Variants in ROBO1 observed in about 807,000 individuals in gnomAD.
The protein encoded by ROBO1 is roundabout guidance receptor 1.
In ROBO1, 149 loss-of-function variants were observed where a neutral mutation model predicts 195.9. The ratio of observed to expected loss-of-function variants is 0.76; its 90% CI spans 0.67 to 0.87. The LOEUF is 0.87. ROBO1 is among the 40% of genes least tolerant of loss of function. ROBO1 has a pLI of 0.00. For synonymous variants in ROBO1, 816 were observed against 733.2 expected, an observed-to-expected ratio of 1.11 and a Z score of -1.82; for missense variants, 1,933 against 2,068.3, an observed-to-expected ratio of 0.93 and a Z score of 1.27.
chr3:78,901,390 G>A (rs1443943161), intron 4 of ROBO1, among the ~76,000 whole-genome samples: 1 of 152,018 alleles, frequency 6.6e-6, no homozygotes, highest in Non-Finnish European at 1.5e-5. Flanking sequence ...TCTTAAACAT[G>A]TACAAAGAAA....
At chr3:78,939,429 A>ACTTCAGTGTAGCC in intron 3 of ROBO1, among the ~76,000 whole-genome samples, 2 of 150,946 alleles carry the variant, frequency 1.3e-5, no homozygotes, top group Admixed American at 6.6e-5. Context: ...CCTGGCTAAC[A>ACTTCAGTGTAGCC]AGGTGAAACC....
chr3:79,699,368 A>C (rs1947544925), intron 1 of ROBO1, among the ~76,000 whole-genome samples: 1 of 151,592 alleles, frequency 6.6e-6, no homozygotes, highest in Non-Finnish European at 1.5e-5. Flanking sequence ...TGCGCCTTCC[A>C]GGTTTGTCTG....
chr3:79,212,810 A>G (rs887982068), intron 2 of ROBO1, among the ~76,000 whole-genome samples: 3 of 151,582 alleles, frequency 2.0e-5, no homozygotes, highest in African/African-American at 7.3e-5. Flanking sequence ...TCAGAGTAAG[A>G]CTCTGTCTCA....
chr3:78,612,392 C>A (rs1011612692), intron 28 of ROBO1, among the ~76,000 whole-genome samples: 1 of 152,154 alleles, frequency 6.6e-6, no homozygotes, highest in African/African-American at 2.4e-5. Context: ...ATAAATTGTA[C>A]CAATTGTGTC....
chr3:79,589,559 T>C (rs905646009), intron 2 of ROBO1, among the ~76,000 whole-genome samples: 1 of 151,806 alleles, frequency 6.6e-6, no homozygotes, highest in African/African-American at 2.4e-5. Context: ...ACTTAGTTAA[T>C]ATAACACTCC....
At chr3:79,155,708 A>G (rs2080847281) in intron 2 of ROBO1, among the ~76,000 whole-genome samples, 1 of 151,768 alleles carries the variant, frequency 6.6e-6, no homozygotes, top group African/African-American at 2.4e-5. Context: ...TTTTGAGTGA[A>G]GAGACAAAGG....
At chr3:79,420,096 A>T (rs1281974314) in intron 2 of ROBO1, among the ~76,000 whole-genome samples, 1 of 152,114 alleles carries the variant, frequency 6.6e-6, no homozygotes, top group Non-Finnish European at 1.5e-5. Flanking sequence ...CTCACATATA[A>T]TTTTATTTAA....
intron 3 of ROBO1, among the ~76,000 whole-genome samples, chr3:79,079,462 G>C (rs1231579015): frequency 2.0e-5 from 3 of 151,756 alleles, no homozygotes; most frequent in Non-Finnish European, 4.4e-5. Flanking sequence ...ATTAAAAACA[G>C]TTACGAGTGA....
intron 4 of ROBO1, among the ~76,000 whole-genome samples, chr3:78,780,488 C>T (rs1463359565): frequency 2.0e-5 from 3 of 151,900 alleles, no homozygotes; most frequent in Non-Finnish European, 4.4e-5. Context: ...CATGCATGCC[C>T]TTATCTCTCC....
At position 79,016,338 on chromosome 3, in the gene ROBO1, T is replaced by A. The variant is rs141411964; in HGVS notation, c.173-77411A>T. On this transcript the variant is annotated intron_variant, in intron 3 of 30. Coordinates refer to ENST00000464233, the MANE Select transcript of ROBO1 (RefSeq NM_002941.4). ...GGAGCACTTTAGAAAGAAGCTTTTGTCCTGAAAAGTGGCAAAGCAGATAGG... is the reference window on the plus strand; with the variant it reads ...GGAGCACTTTAGAAAGAAGCTTTTGACCTGAAAAGTGGCAAAGCAGATAGG... Among the ~76,000 whole-genome samples the A allele has an allele frequency of 3.7e-3, 569 of 152,330 alleles. 8 individuals are homozygous for A. The highest frequency in any genetic ancestry group is 0.013 in the African/African-American group (529 of 41,576).
chr3:79,710,060 A>G (rs1702212444), intron 1 of ROBO1, among the ~76,000 whole-genome samples: 1 of 152,158 alleles, frequency 6.6e-6, no homozygotes, highest in African/African-American at 2.4e-5. Context: ...GACAGGGCTG[A>G]CATGAGAATT....
At chr3:79,048,449 A>T (rs2078635574) in intron 3 of ROBO1, among the ~76,000 whole-genome samples, 1 of 152,116 alleles carries the variant, frequency 6.6e-6, no homozygotes, top group Non-Finnish European at 1.5e-5. Context: ...ATTTGCCGTA[A>T]TGATTCTCTT....
At chr3:79,322,374 G>C (rs1292909411) in intron 2 of ROBO1, among the ~76,000 whole-genome samples, 1 of 152,178 alleles carries the variant, frequency 6.6e-6, no homozygotes, top group Non-Finnish European at 1.5e-5. Flanking sequence ...AATATACTGA[G>C]CATTATGGGA....
chr3:79,293,428 A>T (rs1258962147), intron 2 of ROBO1, among the ~76,000 whole-genome samples: 1 of 151,804 alleles, frequency 6.6e-6, no homozygotes, highest in Non-Finnish European at 1.5e-5. Flanking sequence ...TAGCTTTTGA[A>T]TTTGTTTGGT....
chr3:78,625,436 AAAGAT>A (rs1294298113), intron 26 of ROBO1, among the ~76,000 whole-genome samples: 3 of 152,242 alleles, frequency 2.0e-5, no homozygotes, highest in East Asian at 1.9e-4. Flanking sequence ...AAGTAAAAGA[AAAGAT>A]AAGTTTAAAG....
chr3:78,627,644 C>A, intron 25 of ROBO1, 75 bp from the exon 26 acceptor site: 3 of 1,432,156 alleles, frequency 2.1e-6, no homozygotes, highest in Non-Finnish European at 2.8e-6. Context: ...AATGAAATGT[C>A]ACCTTTAAAT....
intron 1 of ROBO1, among the ~76,000 whole-genome samples, chr3:79,741,801 A>C (rs913702222): frequency 1.3e-5 from 2 of 152,228 alleles, no homozygotes; most frequent in Non-Finnish European, 2.9e-5. Context: ...TGGACAATAA[A>C]GTCCAGGCTG....
At chr3:78,605,917 T>C (rs1703435208) in intron 29 of ROBO1, among the ~76,000 whole-genome samples, 1 of 152,206 alleles carries the variant, frequency 6.6e-6, no homozygotes, top group Non-Finnish European at 1.5e-5. Flanking sequence ...CTCTGAAGTG[T>C]CTGTACAGGC....
In ROBO1 at chr3:79,262,211, T is replaced by C. The variant is rs181347521; in HGVS notation, c.89-136672A>G. Among the ~76,000 whole-genome samples the C allele has an allele frequency of 1.9e-4, 29 of 152,204 alleles. No homozygotes were observed. In the East Asian group the frequency reaches 5.4e-3, roughly 28 times the overall value. On this transcript the variant is annotated intron_variant, in intron 2 of 30. Transcript: ENST00000464233. ...ATAGTACGACTTTTGAAGTTTTTCC[T>C]CTGAGGGATAGCTCTTAAACACTCA...
Sources: allele counts gnomAD v4.1 joint callset (sites outside exome capture counted in the v4.1 genomes callset), GRCh38; gene constraint gnomAD v4.1.1; transcripts MANE v1.5; gene names NCBI Gene and HGNC (gene_info 2026-07-23, HGNC 2026-07-21).